Variants in TAS2R1 observed in about 807,000 individuals in gnomAD.
The protein encoded by TAS2R1 is taste receptor type 2 member 1.
For missense variants in TAS2R1, 370 were observed against 353.4 expected, an observed-to-expected ratio of 1.05 and a Z score of -0.38; for synonymous variants, 141 against 134.2, an observed-to-expected ratio of 1.05 and a Z score of -0.35.
the TAS2R1 span, among the ~76,000 whole-genome samples, chr5:9,783,463 C>T: frequency 2.0e-5 from 3 of 152,204 alleles, no homozygotes; most frequent in Non-Finnish European, 4.4e-5. Context: ...ATATGTGCAT[C>T]CGTGCTGGGC....
chr5:9,836,492 C>G, the TAS2R1 span, among the ~76,000 whole-genome samples: 3 of 145,992 alleles, frequency 2.1e-5, no homozygotes, highest in Admixed American at 7.0e-5. Flanking sequence ...TCCCTCCATA[C>G]GCCCCAGGTT....
chr5:9,860,129 C>T, the TAS2R1 span, among the ~76,000 whole-genome samples: 12 of 152,148 alleles, frequency 7.9e-5, no homozygotes, highest in Admixed American at 2.0e-4. Context: ...AAAAGTAACA[C>T]GAAGAAGAAA....
the TAS2R1 span, among the ~76,000 whole-genome samples, chr5:9,724,941 C>T: frequency 6.6e-6 from 1 of 152,164 alleles, no homozygotes; most frequent in Non-Finnish European, 1.5e-5. Context: ...TGCATTAAGC[C>T]CTGGAAATAC....
chr5:9,714,103 C>T (rs1049362996), upstream of TAS2R1: 20 of 152,164 alleles, frequency 1.3e-4, no homozygotes, highest in African/African-American at 4.8e-4. Flanking sequence ...CAGTATCTTC[C>T]TCATGTGCAC....
the TAS2R1 span, among the ~76,000 whole-genome samples, chr5:9,847,670 G>A: frequency 6.6e-6 from 1 of 152,230 alleles, no homozygotes; most frequent in African/African-American, 2.4e-5. Flanking sequence ...GTGCCACCTT[G>A]AGACAAAGTG....
chr5:9,901,032 C>T, the TAS2R1 span, among the ~76,000 whole-genome samples: 4 of 152,030 alleles, frequency 2.6e-5, no homozygotes, highest in African/African-American at 7.3e-5. Flanking sequence ...GGCTCAGATT[C>T]GCAGCTGCTT....
At chr5:9,726,388 T>C in the TAS2R1 span, among the ~76,000 whole-genome samples, 3 of 152,158 alleles carry the variant, frequency 2.0e-5, no homozygotes, top group African/African-American at 7.2e-5. Flanking sequence ...GTCAGCAGGA[T>C]GTGGGTGAGG....
chr5:9,655,375 C>A (rs1439770634), intron 2 of TAS2R1, among the ~76,000 whole-genome samples: 1 of 151,836 alleles, frequency 6.6e-6, no homozygotes, highest in Non-Finnish European at 1.5e-5. Flanking sequence ...ATTTAAATTT[C>A]TGTAGGATCA....
At chr5:9,771,625 T>C in the TAS2R1 span, among the ~76,000 whole-genome samples, 3 of 152,152 alleles carry the variant, frequency 2.0e-5, no homozygotes, top group Non-Finnish European at 4.4e-5. Context: ...TATTCTGCAG[T>C]GAAACCATCA....
At chr5:9,661,043 T>A (rs1020462515) in intron 1 of TAS2R1, among the ~76,000 whole-genome samples, 1 of 152,222 alleles carries the variant, frequency 6.6e-6, no homozygotes, top group Non-Finnish European at 1.5e-5. Flanking sequence ...AACATCTTCA[T>A]TTCAGGTTAG....
intron 1 of TAS2R1, among the ~76,000 whole-genome samples, chr5:9,684,582 A>T (rs1741089847): frequency 6.6e-6 from 1 of 152,184 alleles, no homozygotes; most frequent in South Asian, 2.1e-4. Flanking sequence ...GCTATTCACA[A>T]GTGTGATCAT....
At chr5:9,735,359 T>C in the TAS2R1 span, among the ~76,000 whole-genome samples, 3 of 151,566 alleles carry the variant, frequency 2.0e-5, no homozygotes, top group East Asian at 5.8e-4. Flanking sequence ...TGAAAAAAAT[T>C]TATGAGTTTT....
upstream of TAS2R1, among the ~76,000 whole-genome samples, chr5:9,631,169 A>G (rs1418529400): frequency 6.6e-6 from 1 of 152,224 alleles, no homozygotes; most frequent in Non-Finnish European, 1.5e-5. Flanking sequence ...GATAAAGTAT[A>G]GTTTGTACCT....
the TAS2R1 span, among the ~76,000 whole-genome samples, chr5:9,809,069 T>C: frequency 4.6e-5 from 7 of 152,320 alleles, no homozygotes; most frequent in East Asian, 7.7e-4. Context: ...AGAACGTCTA[T>C]CCTATACCTG....
chr5:9,898,944 A>T, the TAS2R1 span, among the ~76,000 whole-genome samples: 1 of 152,200 alleles, frequency 6.6e-6, no homozygotes, highest in South Asian at 2.1e-4. Flanking sequence ...TTACAGATGG[A>T]GGTCGTTGAA....
the TAS2R1 span, among the ~76,000 whole-genome samples, chr5:9,804,096 A>G: frequency 6.6e-6 from 1 of 152,170 alleles, no homozygotes; most frequent in African/African-American, 2.4e-5. Flanking sequence ...AACTATTCTT[A>G]TATCAGATAA....
intron 2 of TAS2R1, among the ~76,000 whole-genome samples, chr5:9,640,220 A>C (rs577935429): frequency 2.4e-4 from 37 of 152,206 alleles, no homozygotes; most frequent in African/African-American, 8.7e-4. Context: ...GCAATGGGAC[A>C]GCCGGGTAGA....
At chr5:9,843,141 A>G in the TAS2R1 span, among the ~76,000 whole-genome samples, 1 of 152,154 alleles carries the variant, frequency 6.6e-6, no homozygotes, top group Non-Finnish European at 1.5e-5. Flanking sequence ...CTCTGAGGGA[A>G]GAAGTAGCTC....
the TAS2R1 span, among the ~76,000 whole-genome samples, chr5:9,736,927 C>T: frequency 6.6e-6 from 1 of 152,130 alleles, no homozygotes; most frequent in Non-Finnish European, 1.5e-5. Context: ...AATGCCCCCA[C>T]CCTTTCTCAT....
Sources: allele counts gnomAD v4.1 joint callset (sites outside exome capture counted in the v4.1 genomes callset), GRCh38; gene constraint gnomAD v4.1.1; transcripts MANE v1.5; gene names NCBI Gene and HGNC (gene_info 2026-07-23, HGNC 2026-07-21).